Variants in MAP3K13 observed in about 807,000 individuals in gnomAD.
The protein encoded by MAP3K13 is leucine zipper-bearing kinase.
In MAP3K13, 52 loss-of-function variants were observed where a neutral mutation model predicts 104.0. The observed-to-expected ratio is 0.50, with a 90% CI of 0.40 to 0.63. The LOEUF (loss-of-function observed/expected upper bound fraction) is 0.63, where lower values mean the gene tolerates loss of function less well. Ranked by LOEUF, MAP3K13 falls within the 20% of genes least tolerant of loss-of-function variation. The pLI is 0.00. For missense variants in MAP3K13, 914 were observed against 1,218.5 expected (o/e 0.75, Z 3.72); for synonymous variants, 394 against 442.2 (o/e 0.89, Z 1.37).
intron 2 of MAP3K13, among the ~76,000 whole-genome samples, chr3:185,290,291 T>A (rs1053806000): frequency 6.6e-6 from 1 of 152,140 alleles, no homozygotes; most frequent in Admixed American, 6.5e-5. Flanking sequence ...ATAGAAAATA[T>A]ACCTAAGCAA....
rs146768515 is a variant in MAP3K13, at chr3:185,297,554, G to A, written c.-86+11911G>A. 1.4e-3 allele frequency among the ~76,000 whole-genome samples: 212 copies of A among 152,210 alleles called. 2 individuals carry two copies. In the East Asian group the frequency reaches 0.032, roughly 23 times the overall value. ...GTTCGAGACCAGCCTGGCCAACATG[G>A]TGAAACCCTGTCTCTACTAATAATA... On this transcript the variant is annotated intron_variant, in intron 2 of 14. Transcript: ENST00000424227.
At chr3:185,379,708 CG>C (rs1411507063) in intron 1 of MAP3K13, among the ~76,000 whole-genome samples, 2 of 152,118 alleles carry the variant, frequency 1.3e-5, no homozygotes, top group African/African-American at 4.8e-5. Context: ...AGGAGTCAGC[CG>C]GATTTCTTTT....
At chr3:185,409,277 A>T in intron 1 of MAP3K13, among the ~76,000 whole-genome samples, 1 of 152,244 alleles carries the variant, frequency 6.6e-6, no homozygotes, top group Middle Eastern at 3.2e-3. Context: ...CTGAGGCAGA[A>T]GAATTGTTTG....
At position 185,473,192 on chromosome 3, in the gene MAP3K13, C is replaced by G; in HGVS notation, c.1861C>G (p.Leu621Val). Residue 621 changes from leucine to valine, a missense_variant, in exon 11 of 14, where the codon CTG becomes GTG. Transcript: ENST00000265026. The surrounding 1 kb of genome is among the most constrained non-coding windows in gnomAD (Gnocchi z 4.9). ...GGAAAATTCACCCCATCCCACTTAC[C>G]TGCACCAAGCTCAATCCCAATACCC... ...AQENSPHPTYLHQAQSQYPSL... is the reference protein window; with the variant it reads ...AQENSPHPTYVHQAQSQYPSL... 11 of 1,614,186 alleles carry G rather than the reference C, an allele frequency of 6.8e-6. No individual in the cohort carries two copies. The highest frequency in any genetic ancestry group is 9.3e-6 in the Non-Finnish European group (11 of 1,180,034).
chr3:185,413,799 G>A (rs537596471), intron 1 of MAP3K13, among the ~76,000 whole-genome samples: 21 of 152,184 alleles, frequency 1.4e-4, no homozygotes, highest in Admixed American at 7.2e-4. Context: ...TCCAGCCTGG[G>A]CGACAGAGCG....
At chr3:185,303,363 A>G (rs1023446356) in intron 2 of MAP3K13, among the ~76,000 whole-genome samples, 6 of 152,146 alleles carry the variant, frequency 3.9e-5, no homozygotes, top group African/African-American at 1.4e-4. Flanking sequence ...TATCCTCTTC[A>G]ATTTTTTGAA....
intron 10 of MAP3K13, among the ~76,000 whole-genome samples, chr3:185,470,737 A>G (rs886561450): frequency 4.6e-5 from 7 of 152,264 alleles, no homozygotes; most frequent in Non-Finnish European, 7.3e-5. Context: ...ATACTGTAAC[A>G]TAACATCATC....
intron 7 of MAP3K13, among the ~76,000 whole-genome samples, chr3:185,453,200 T>G (rs1248140613): frequency 6.6e-6 from 1 of 152,162 alleles, no homozygotes; most frequent in Non-Finnish European, 1.5e-5. Flanking sequence ...GATCCTGAAT[T>G]ATAGCTGTAT....
At chr3:185,375,960 G>A (rs1021833134) in intron 1 of MAP3K13, among the ~76,000 whole-genome samples, 16 of 152,210 alleles carry the variant, frequency 1.1e-4, no homozygotes, top group African/African-American at 3.9e-4. Flanking sequence ...AAGGCAGTCA[G>A]TTTGGCTTGC....
At chr3:185,359,121 T>A (rs1032776455), upstream of MAP3K13, among the ~76,000 whole-genome samples, 2 of 152,152 alleles carry the variant, frequency 1.3e-5, no homozygotes, top group African/African-American at 4.8e-5. Flanking sequence ...GGACTTACAG[T>A]TCCACATGGC....
At chr3:185,324,209 G>T (rs796287448) in intron 2 of MAP3K13, among the ~76,000 whole-genome samples, 55 of 151,908 alleles carry the variant, frequency 3.6e-4, no homozygotes, top group African/African-American at 1.3e-3. Context: ...TAGTAGAGAC[G>T]GGGTTTTACC....
At chr3:185,384,576 C>T (rs1316378671) in intron 1 of MAP3K13, among the ~76,000 whole-genome samples, 1 of 152,048 alleles carries the variant, frequency 6.6e-6, no homozygotes, top group Non-Finnish European at 1.5e-5. Flanking sequence ...TATTGATGTT[C>T]CCACCAACAG....
At chr3:185,309,512 C>CAAAAAAAAAAAAA (rs66889332) in intron 2 of MAP3K13, among the ~76,000 whole-genome samples, 4 of 105,756 alleles carry the variant, frequency 3.8e-5, no homozygotes, top group African/African-American at 1.0e-4. Flanking sequence ...CCTTGTCTCA[C>CAAAAAAAAAAAAA]AAAAAAAAAA....
intron 2 of MAP3K13, among the ~76,000 whole-genome samples, chr3:185,350,515 CTT>C (rs1560060154): frequency 6.6e-6 from 1 of 151,944 alleles, no homozygotes; most frequent in Non-Finnish European, 1.5e-5. Flanking sequence ...ACCATTGTCA[CTT>C]ATATCTTGTT....
intron 7 of MAP3K13, among the ~76,000 whole-genome samples, chr3:185,454,318 A>AC: frequency 1.9e-5 from 2 of 106,844 alleles, no homozygotes; most frequent in African/African-American, 7.3e-5. Context: ...TATATGAGAT[A>AC]TATATGAGAT....
chr3:185,358,221 C>T (rs1046252784), upstream of MAP3K13, among the ~76,000 whole-genome samples: 6 of 152,140 alleles, frequency 3.9e-5, no homozygotes, highest in Non-Finnish European at 7.4e-5. Flanking sequence ...TGGCTCTGAG[C>T]TTCCCAGCAG....
intron 2 of MAP3K13, among the ~76,000 whole-genome samples, chr3:185,355,718 GA>G (rs961312744): frequency 6.6e-6 from 1 of 151,308 alleles, no homozygotes; most frequent in Non-Finnish European, 1.5e-5. Flanking sequence ...TAGGTCACAG[GA>G]AAAATACACT....
chr3:185,416,569 C>T (rs1164206001), intron 1 of MAP3K13, among the ~76,000 whole-genome samples: 1 of 151,972 alleles, frequency 6.6e-6, no homozygotes, highest in Non-Finnish European at 1.5e-5. Flanking sequence ...TACAATATTG[C>T]TCTCAATATG....
intron 1 of MAP3K13, among the ~76,000 whole-genome samples, chr3:185,397,354 G>A (rs1160366106): frequency 6.6e-6 from 1 of 152,188 alleles, no homozygotes; most frequent in Non-Finnish European, 1.5e-5. Context: ...GGCCTGGAGA[G>A]GTTAAGTGAC....
Sources: allele counts gnomAD v4.1 joint callset (sites outside exome capture counted in the v4.1 genomes callset), GRCh38; gene constraint gnomAD v4.1.1; non-coding constraint Gnocchi (gnomAD v3.1); transcripts MANE v1.5; gene names NCBI Gene and HGNC (gene_info 2026-07-23, HGNC 2026-07-21).